CNTN3: variants seen among roughly 807,000 people sequenced by gnomAD.
The protein encoded by CNTN3 is contactin-3.
A neutral mutation model predicts 119.1 loss-of-function variants in CNTN3; 60 were observed. That is an observed-to-expected ratio of 0.50 (90% confidence interval 0.41 to 0.62). The LOEUF (loss-of-function observed/expected upper bound fraction) is 0.62, where lower values mean the gene tolerates loss of function less well. CNTN3 is among the 20% of genes least tolerant of loss of function. The pLI is 0.00. For synonymous variants in CNTN3, 450 were observed against 438.7 expected, an observed-to-expected ratio of 1.03 and a Z score of -0.32; for missense variants, 1,101 against 1,242.4, an observed-to-expected ratio of 0.89 and a Z score of 1.71.
intron 20 of CNTN3, among the ~76,000 whole-genome samples, chr3:74,280,187 A>T (rs1452068258): frequency 6.6e-6 from 1 of 151,204 alleles, no homozygotes; most frequent in Non-Finnish European, 1.5e-5. Context: ...AAGTTGAATT[A>T]AAAAAAAAGC....
intron 10 of CNTN3, among the ~76,000 whole-genome samples, chr3:74,363,183 T>C (rs1352531350): frequency 6.6e-6 from 1 of 152,180 alleles, no homozygotes; most frequent in Non-Finnish European, 1.5e-5. Flanking sequence ...GCTACTTCTC[T>C]GTCATGGATA....
intron 19 of CNTN3, among the ~76,000 whole-genome samples, chr3:74,294,278 T>C (rs1702290487): frequency 6.6e-6 from 1 of 152,204 alleles, no homozygotes; most frequent in Non-Finnish European, 1.5e-5. Context: ...AGTTCTCAGC[T>C]CTACTACTCC....
intron 4 of CNTN3, among the ~76,000 whole-genome samples, chr3:74,481,331 TA>T (rs1283379925): frequency 6.6e-6 from 1 of 151,754 alleles, no homozygotes; most frequent in African/African-American, 2.4e-5. Flanking sequence ...AATCATTTAT[TA>T]AAAAAACTAA....
At chr3:74,502,454 C>T (rs990395617) in intron 2 of CNTN3, among the ~76,000 whole-genome samples, 16 of 152,252 alleles carry the variant, frequency 1.1e-4, no homozygotes, top group African/African-American at 3.8e-4. Flanking sequence ...GGAGCATTTT[C>T]TTCTGAGATC....
chr3:74,364,091 G>C (rs1297681833), intron 10 of CNTN3, among the ~76,000 whole-genome samples: 1 of 152,062 alleles, frequency 6.6e-6, no homozygotes. Context: ...CAACTCTTTT[G>C]AATCAAATAC....
At chr3:74,430,198 C>T (rs116775505) in intron 4 of CNTN3, among the ~76,000 whole-genome samples, 23 of 152,218 alleles carry the variant, frequency 1.5e-4, no homozygotes, top group African/African-American at 4.1e-4. Context: ...CATAAAAGTT[C>T]GCAGAGTTTT....
At chr3:74,276,496 C>T (rs776867002) in intron 20 of CNTN3, among the ~76,000 whole-genome samples, 1 of 152,042 alleles carries the variant, frequency 6.6e-6, no homozygotes, top group African/African-American at 2.4e-5. Context: ...ACCTTTAAAA[C>T]CATGCAAATA....
At chr3:74,588,305 C>T (rs1414128805) in intron 1 of CNTN3, among the ~76,000 whole-genome samples, 5 of 151,998 alleles carry the variant, frequency 3.3e-5, no homozygotes, top group Admixed American at 6.6e-5. Context: ...TTCTTATACA[C>T]CAATAACAGA....
chr3:74,447,381 A>C (rs1702067884), intron 4 of CNTN3, among the ~76,000 whole-genome samples: 1 of 152,120 alleles, frequency 6.6e-6, no homozygotes, highest in South Asian at 2.1e-4. Context: ...ATTAGCTAAA[A>C]CCACCCAAAA....
intron 5 of CNTN3, among the ~76,000 whole-genome samples, chr3:74,421,173 T>G (rs1458647846): frequency 6.6e-6 from 1 of 152,138 alleles, no homozygotes; most frequent in Non-Finnish European, 1.5e-5. Flanking sequence ...TTTATTTTAT[T>G]TATTTTATTT....
intron 5 of CNTN3, among the ~76,000 whole-genome samples, chr3:74,408,319 ATGT>A (rs1186013328): frequency 6.6e-6 from 1 of 152,222 alleles, no homozygotes; most frequent in Non-Finnish European, 1.5e-5. Flanking sequence ...CCAGAACATA[ATGT>A]TGTAGGCCTT....
chr3:74,427,723 A>G (rs73112771), intron 4 of CNTN3, among the ~76,000 whole-genome samples: 3,648 of 152,274 alleles, frequency 0.024, 74 homozygotes, highest in Non-Finnish European at 0.035. Context: ...ACAGGATACA[A>G]TTTCTACATA....
intron 1 of CNTN3, among the ~76,000 whole-genome samples, chr3:74,557,930 C>G (rs966538966): frequency 6.6e-6 from 1 of 152,028 alleles, no homozygotes; most frequent in Non-Finnish European, 1.5e-5. Context: ...CTCTATTAAA[C>G]AAAACAAATG....
chr3:74,600,204 G>A (rs1273341779), intron 1 of CNTN3, among the ~76,000 whole-genome samples: 2 of 152,004 alleles, frequency 1.3e-5, no homozygotes, highest in Admixed American at 1.3e-4. Context: ...AAGAAAAAAG[G>A]TTTAAGGTGA....
intron 2 of CNTN3, among the ~76,000 whole-genome samples, chr3:74,511,978 A>G (rs1703373667): frequency 6.6e-6 from 1 of 152,106 alleles, no homozygotes; most frequent in African/African-American, 2.4e-5. Flanking sequence ...TTTTCCCATT[A>G]ATATTCCATT....
At chr3:74,478,129 G>A (rs2107019951) in intron 4 of CNTN3, among the ~76,000 whole-genome samples, 1 of 152,252 alleles carries the variant, frequency 6.6e-6, no homozygotes, top group African/African-American at 2.4e-5. Flanking sequence ...TTAGAAAACA[G>A]GTGTGATGAT....
At chr3:74,498,135 G>T (rs1703097374) in intron 3 of CNTN3, among the ~76,000 whole-genome samples, 1 of 151,710 alleles carries the variant, frequency 6.6e-6, no homozygotes, top group Non-Finnish European at 1.5e-5. Flanking sequence ...CAGAAAAACA[G>T]CCCACACATG....
At chr3:74,503,288 A>T (rs534078670) in intron 2 of CNTN3, among the ~76,000 whole-genome samples, 1 of 152,262 alleles carries the variant, frequency 6.6e-6, no homozygotes, top group East Asian at 1.9e-4. Flanking sequence ...GTATTTCCTG[A>T]TGGCGCTGGA....
chr3:74,437,439 G>T (rs1701887221), intron 4 of CNTN3, among the ~76,000 whole-genome samples: 1 of 152,006 alleles, frequency 6.6e-6, no homozygotes, highest in South Asian at 2.1e-4. Flanking sequence ...TCCAACCTGG[G>T]TGACAGCGCG....
Sources: allele counts gnomAD v4.1 joint callset (sites outside exome capture counted in the v4.1 genomes callset), GRCh38; gene constraint gnomAD v4.1.1; transcripts MANE v1.5; gene names NCBI Gene and HGNC (gene_info 2026-07-23, HGNC 2026-07-21).